The following NRXN3 variants were observed in gnomAD, a reference collection of about 807,000 sequenced individuals.
The protein encoded by NRXN3 is neurexin III.
Under a neutral mutation model 137.6 loss-of-function variants are expected in NRXN3, and 32 were observed. That is an observed-to-expected ratio of 0.23 (90% CI 0.18 to 0.31). The LOEUF (loss-of-function observed/expected upper bound fraction) is 0.31, where lower values mean the gene tolerates loss of function less well. Among genes scored for constraint, NRXN3 ranks in the 10% least tolerant of loss-of-function variants. NRXN3 has a pLI of 1.00. For missense variants in NRXN3, 1,574 were observed against 2,062.5 expected, an observed-to-expected ratio of 0.76 and a Z score of 4.59; for synonymous variants, 798 against 784.5, an observed-to-expected ratio of 1.02 and a Z score of -0.29.
chr14:78,289,585 GT>G (rs112421375), intron 3 of NRXN3, among the ~76,000 whole-genome samples: 3,061 of 146,974 alleles, frequency 0.021, 110 homozygotes, highest in African/African-American at 0.069. Flanking sequence ...AAATGTGCTT[GT>G]TTTTTTTTTT....
At chr14:79,575,553 C>T (rs534623911) in intron 16 of NRXN3, among the ~76,000 whole-genome samples, 3 of 152,134 alleles carry the variant, frequency 2.0e-5, no homozygotes, top group East Asian at 3.9e-4. Flanking sequence ...TTAACAATAA[C>T]AACAACAAAA....
chr14:79,732,149 G>A (rs1003665554), intron 19 of NRXN3, among the ~76,000 whole-genome samples: 1 of 151,812 alleles, frequency 6.6e-6, no homozygotes, highest in Non-Finnish European at 1.5e-5. Flanking sequence ...TTTTTTAAGA[G>A]ACATGGAGAA....
chr14:79,590,835 CT>C (rs1258392656), intron 16 of NRXN3, among the ~76,000 whole-genome samples: 1 of 152,214 alleles, frequency 6.6e-6, no homozygotes, highest in Non-Finnish European at 1.5e-5. Context: ...AGAAGTTCTG[CT>C]TTTGCATCAA....
At chr14:78,876,628 GTCT>G (rs1233627052) in intron 10 of NRXN3, among the ~76,000 whole-genome samples, 1 of 152,170 alleles carries the variant, frequency 6.6e-6, no homozygotes, top group Non-Finnish European at 1.5e-5. Context: ...GCTGTGAATT[GTCT>G]TCTTAATTAA....
At chr14:79,629,947 G>T (rs2098327581) in intron 16 of NRXN3, among the ~76,000 whole-genome samples, 1 of 152,126 alleles carries the variant, frequency 6.6e-6, no homozygotes, top group African/African-American at 2.4e-5. Context: ...TAATTAAAGA[G>T]TAAGGGGGTA....
At chr14:78,609,637 G>T (rs542524929) in intron 4 of NRXN3, among the ~76,000 whole-genome samples, 49 of 152,216 alleles carry the variant, frequency 3.2e-4, no homozygotes, top group African/African-American at 1.1e-3. Flanking sequence ...CTGTTGAATG[G>T]GGTAATAATA....
chr14:79,750,539 C>A (rs1048427926), intron 19 of NRXN3, among the ~76,000 whole-genome samples: 6 of 152,086 alleles, frequency 3.9e-5, no homozygotes, highest in African/African-American at 1.4e-4. Flanking sequence ...TTTGTGAATT[C>A]ATCTGTAATC....
At chr14:78,405,610 G>GGGT (rs1555510728) in intron 4 of NRXN3, among the ~76,000 whole-genome samples, 2 of 123,206 alleles carry the variant, frequency 1.6e-5, no homozygotes, top group Admixed American at 7.8e-5. Context: ...GCTGGGGAAG[G>GGGT]GGCGGGGGGG....
At chr14:78,633,853 A>ATCT (rs1449462194) in intron 4 of NRXN3, among the ~76,000 whole-genome samples, 1 of 152,164 alleles carries the variant, frequency 6.6e-6, no homozygotes, top group Admixed American at 6.5e-5. Context: ...AGCCCTATTG[A>ATCT]TCTTGTTCAG....
chr14:78,234,963 A>G (rs989848526), intron 1 of NRXN3, among the ~76,000 whole-genome samples: 2 of 137,286 alleles, frequency 1.5e-5, no homozygotes, highest in Non-Finnish European at 3.2e-5. Context: ...GTCTAAAATT[A>G]CATTTGATTA....
chr14:78,381,795 C>T (rs1306747970), intron 4 of NRXN3, among the ~76,000 whole-genome samples: 3 of 152,012 alleles, frequency 2.0e-5, no homozygotes, highest in African/African-American at 7.3e-5. Flanking sequence ...TGGGTGAATC[C>T]CCAGATAATT....
chr14:78,399,855 A>G (rs1009880546), intron 4 of NRXN3, among the ~76,000 whole-genome samples: 2 of 152,172 alleles, frequency 1.3e-5, no homozygotes, highest in African/African-American at 4.8e-5. Context: ...AATGGTAGAA[A>G]AAGTCCTCCG....
chr14:78,810,057 A>G (rs925100573), intron 9 of NRXN3, among the ~76,000 whole-genome samples: 18 of 151,692 alleles, frequency 1.2e-4, no homozygotes, highest in African/African-American at 4.4e-4. Context: ...TACTGTGGAT[A>G]TATATGTATA....
intron 16 of NRXN3, among the ~76,000 whole-genome samples, chr14:79,493,644 A>T (rs1293744652): frequency 6.6e-6 from 1 of 152,206 alleles, no homozygotes; most frequent in Non-Finnish European, 1.5e-5. Flanking sequence ...TTTTATTCCA[A>T]CTATGATCTA....
chr14:78,696,337 G>A (rs2098225852), intron 6 of NRXN3, among the ~76,000 whole-genome samples: 1 of 151,952 alleles, frequency 6.6e-6, no homozygotes, highest in South Asian at 2.1e-4. Flanking sequence ...TTTCTCAATT[G>A]TAAAATGAGG....
At chr14:79,384,381 C>A (rs969386434) in intron 15 of NRXN3, among the ~76,000 whole-genome samples, 1 of 152,112 alleles carries the variant, frequency 6.6e-6, no homozygotes, top group African/African-American at 2.4e-5. Flanking sequence ...TTGACGTTTA[C>A]TAAGACTTGA....
chr14:79,263,687 C>T lies in NRXN3; in HGVS notation c.3263-203534C>T, dbSNP rs572339519. On this transcript the variant is annotated intron_variant, in intron 15 of 20. Coordinates refer to ENST00000335750, the MANE Select transcript of NRXN3 (RefSeq NM_001330195.2). ...ATGGTTCTTCAACATTTCTGGGTCA[C>T]GAAGTTCTTTAAAAATATAAAGAAA... is the stretch of plus-strand genomic sequence containing the variant. Among the ~76,000 whole-genome samples, 4 of 152,086 alleles carry T rather than the reference C, an allele frequency of 2.6e-5. No individual in the cohort carries two copies. The East Asian group carries it at 5.8e-4, about 22-fold the overall frequency.
intron 15 of NRXN3, among the ~76,000 whole-genome samples, chr14:79,342,818 G>A (rs570948736): frequency 3.9e-5 from 6 of 152,230 alleles, no homozygotes; most frequent in South Asian, 4.1e-4. Context: ...AGATAGAACC[G>A]ATTTATCAAG....
At chr14:79,242,894 A>G (rs1241774338) in intron 15 of NRXN3, among the ~76,000 whole-genome samples, 1 of 152,208 alleles carries the variant, frequency 6.6e-6, no homozygotes, top group Non-Finnish European at 1.5e-5. Flanking sequence ...TCATGCCAAC[A>G]GTACATCTGC....
Sources: allele counts gnomAD v4.1 joint callset (sites outside exome capture counted in the v4.1 genomes callset), GRCh38; gene constraint gnomAD v4.1.1; transcripts MANE v1.5; gene names NCBI Gene and HGNC (gene_info 2026-07-23, HGNC 2026-07-21).